AOAH: variants seen among roughly 807,000 people sequenced by gnomAD.
AOAH encodes acyloxyacyl hydrolase.
Under a neutral mutation model 92.2 loss-of-function variants are expected in AOAH, and 64 were observed. That is an observed-to-expected ratio of 0.69 (90% CI 0.57 to 0.86). The LOEUF is 0.86. Among genes scored for constraint, AOAH ranks in the 40% least tolerant of loss-of-function variants. AOAH has a pLI of 0.00. For missense variants in AOAH, 656 were observed against 694.6 expected, an observed-to-expected ratio of 0.94 and a Z score of 0.62; for synonymous variants, 263 against 254.5, an observed-to-expected ratio of 1.03 and a Z score of -0.32.
At chr7:36,547,120 C>T (rs941469523) in intron 15 of AOAH, among the ~76,000 whole-genome samples, 1 of 152,212 alleles carries the variant, frequency 6.6e-6, no homozygotes, top group African/African-American at 2.4e-5. Flanking sequence ...CTTAGGGCTG[C>T]TGGGAGGATG....
intron 1 of AOAH, among the ~76,000 whole-genome samples, chr7:36,705,122 T>C (rs1210440921): frequency 2.6e-5 from 4 of 152,274 alleles, no homozygotes; most frequent in Middle Eastern, 3.4e-3. Flanking sequence ...CTATTCAACA[T>C]AGTATTGGAA....
intron 3 of AOAH, among the ~76,000 whole-genome samples, chr7:36,672,794 G>A (rs1381110528): frequency 6.6e-6 from 1 of 151,976 alleles, no homozygotes; most frequent in Non-Finnish European, 1.5e-5. Context: ...AAAAAAAATA[G>A]AATGTTCCTA....
At position 36,691,429 on chromosome 7, in the gene AOAH, G is replaced by C. The variant is rs549584774; in HGVS notation, c.128-4635C>G. ...TCAGAGAGCATGGCACACAACGCCG[G>C]TGTGAATCTCATTGCACCTTACCCT... On this transcript the variant is annotated intron_variant, in intron 1 of 20. Coordinates refer to ENST00000617537, the MANE Select transcript of AOAH (RefSeq NM_001637.4). Among the ~76,000 whole-genome samples, 17 of 152,326 alleles carry C rather than the reference G, an allele frequency of 1.1e-4. No individual in the cohort carries two copies. In the South Asian group the frequency reaches 3.3e-3, roughly 30 times the overall value.
At chr7:36,542,908 A>G (rs189975424) in intron 15 of AOAH, among the ~76,000 whole-genome samples, 103 of 152,340 alleles carry the variant, frequency 6.8e-4, no homozygotes, top group African/African-American at 2.4e-3. Context: ...CTGAATAAAA[A>G]AAAAGAAGTA....
chr7:36,558,089 C>T (rs1179120568), intron 13 of AOAH, among the ~76,000 whole-genome samples: 6 of 152,184 alleles, frequency 3.9e-5, no homozygotes. Context: ...AGTATTTCTG[C>T]TCTGTTTTTT....
chr7:36,531,628 G>T lies in AOAH; in HGVS notation c.1425+519C>A, dbSNP rs151246118. On this transcript the variant is annotated intron_variant, in intron 18 of 20. Coordinates refer to ENST00000617537, the MANE Select transcript of AOAH (RefSeq NM_001637.4). ...CTCCCAAAGTGCTGAGATTACAGGT[G>T]TGAGCCACCGCGCCCAGCCTCAATA... Among the ~76,000 whole-genome samples the T allele has an allele frequency of 2.3e-3, 357 of 152,310 alleles. 9 individuals are homozygous for T. The East Asian group carries it at 0.066, about 28-fold the overall frequency.
At chr7:36,626,454 G>A (rs989651429) in intron 6 of AOAH, among the ~76,000 whole-genome samples, 2 of 152,200 alleles carry the variant, frequency 1.3e-5, no homozygotes, top group Non-Finnish European at 2.9e-5. Flanking sequence ...ACATGAGTGG[G>A]TAGACTGGGT....
chr7:36,702,278 G>A (rs1199845196), intron 1 of AOAH, among the ~76,000 whole-genome samples: 1 of 152,150 alleles, frequency 6.6e-6, no homozygotes, highest in Admixed American at 6.6e-5. Context: ...TCCTATGGAT[G>A]CAAGTTACCA....
chr7:36,660,646 G>A (rs1397271799), intron 3 of AOAH, among the ~76,000 whole-genome samples: 1 of 152,166 alleles, frequency 6.6e-6, no homozygotes, highest in Non-Finnish European at 1.5e-5. Flanking sequence ...ATGGAAGAAA[G>A]TACAATGTAA....
At chr7:36,701,240 G>A (rs1447421654) in intron 1 of AOAH, among the ~76,000 whole-genome samples, 1 of 151,802 alleles carries the variant, frequency 6.6e-6, no homozygotes, top group Non-Finnish European at 1.5e-5. Flanking sequence ...CTGGAGAATG[G>A]TCCATGAATA....
chr7:36,598,666 A>C lies in AOAH; in HGVS notation c.847-4236T>G, dbSNP rs530299608. Among the ~76,000 whole-genome samples, 80 of 152,332 alleles carry C rather than the reference A, an allele frequency of 5.3e-4. 2 individuals carry two copies. The highest frequency in any genetic ancestry group is 1.8e-3 in the African/African-American group (74 of 41,578). Reference sequence around the variant, plus strand: ...ACATTTATTTGCCAGATAATAGAAAAGGTTTGAGCACACTAATAGAAGCCT... The same window carrying C: ...ACATTTATTTGCCAGATAATAGAAACGGTTTGAGCACACTAATAGAAGCCT... On this transcript the variant is annotated intron_variant, in intron 11 of 20. Transcript: ENST00000617537.
intron 2 of AOAH, among the ~76,000 whole-genome samples, chr7:36,679,169 A>T (rs993927010): frequency 6.6e-6 from 1 of 152,140 alleles, no homozygotes; most frequent in Non-Finnish European, 1.5e-5. Context: ...CTTCATGTTT[A>T]CCATCACTTC....
At chr7:36,628,205 G>T (rs144077879) in intron 6 of AOAH, among the ~76,000 whole-genome samples, 5 of 152,296 alleles carry the variant, frequency 3.3e-5, no homozygotes, top group African/African-American at 1.2e-4. Flanking sequence ...ATCAACAAGA[G>T]ATAGGATGGT....
intron 6 of AOAH, among the ~76,000 whole-genome samples, chr7:36,630,925 T>C (rs1793028524): frequency 6.6e-6 from 1 of 152,156 alleles, no homozygotes; most frequent in Non-Finnish European, 1.5e-5. Flanking sequence ...ATGGGAATAA[T>C]AATAACCCTT....
chr7:36,555,373 T>A (rs1415976053), intron 13 of AOAH, among the ~76,000 whole-genome samples: 3 of 152,186 alleles, frequency 2.0e-5, no homozygotes, highest in Non-Finnish European at 4.4e-5. Flanking sequence ...GATGTGCTGC[T>A]GGATTCGGTC....
At chr7:36,631,364 AAG>A (rs1279631901) in intron 6 of AOAH, among the ~76,000 whole-genome samples, 1 of 151,704 alleles carries the variant, frequency 6.6e-6, no homozygotes, top group African/African-American at 2.4e-5. Context: ...AAAAAAAAAA[AAG>A]AAGTAGCTTA....
chr7:36,517,214 C>CTCTCTT (rs1783808078), intron 20 of AOAH, among the ~76,000 whole-genome samples: 1 of 104,830 alleles, frequency 9.5e-6, no homozygotes. Context: ...TTCTTTCTTT[C>CTCTCTT]TCTTTCTTTC....
chr7:36,617,783 G>C (rs1290112680), intron 10 of AOAH, among the ~76,000 whole-genome samples: 1 of 152,242 alleles, frequency 6.6e-6, no homozygotes, highest in African/African-American at 2.4e-5. Flanking sequence ...TTAGAGCACA[G>C]AGCTTTTGCC....
intron 11 of AOAH, among the ~76,000 whole-genome samples, chr7:36,606,773 A>T (rs1005308047): frequency 5.9e-5 from 9 of 152,146 alleles, no homozygotes; most frequent in African/African-American, 2.2e-4. Context: ...GAAAAAAAAC[A>T]AAACCAGCAT....
Sources: allele counts gnomAD v4.1 joint callset (sites outside exome capture counted in the v4.1 genomes callset), GRCh38; gene constraint gnomAD v4.1.1; transcripts MANE v1.5; gene names NCBI Gene and HGNC (gene_info 2026-07-23, HGNC 2026-07-21).